The following VEGFC variants were observed in gnomAD, a reference collection of about 807,000 sequenced individuals.
The protein encoded by VEGFC is vascular endothelial growth factor C.
In VEGFC, 12 loss-of-function variants were observed where a neutral mutation model predicts 46.1. The ratio of observed to expected loss-of-function variants is 0.26; its 90% CI spans 0.17 to 0.42. The LOEUF is 0.42. Among genes scored for constraint, VEGFC ranks in the 10% least tolerant of loss-of-function variants. The pLI, the probability that VEGFC is intolerant of heterozygous loss-of-function variation, is 1.00. For synonymous variants in VEGFC, 232 were observed against 195.5 expected (o/e 1.19, Z -1.56); for missense variants, 488 against 529.4 (o/e 0.92, Z 0.77).
chr4:176,761,991 T>A (rs920151323), intron 1 of VEGFC, among the ~76,000 whole-genome samples: 1 of 152,140 alleles, frequency 6.6e-6, no homozygotes, highest in Admixed American at 6.5e-5. Context: ...TAGAATGCAT[T>A]TATTCTGTGC....
intron 1 of VEGFC, among the ~76,000 whole-genome samples, chr4:176,730,637 G>A (rs1485767): frequency 0.1 from 15,718 of 151,956 alleles, 1,828 homozygotes; most frequent in African/African-American, 0.28. Context: ...AGTCGAATAA[G>A]AGTCAATGAA....
intron 1 of VEGFC, among the ~76,000 whole-genome samples, chr4:176,734,377 T>G (rs891754533): frequency 2.0e-5 from 3 of 151,836 alleles, no homozygotes; most frequent in African/African-American, 7.2e-5. Context: ...TGAAGCATAT[T>G]TAGCAGTTAC....
intron 1 of VEGFC, among the ~76,000 whole-genome samples, chr4:176,748,926 T>G (rs1429359663): frequency 1.3e-5 from 2 of 151,882 alleles, no homozygotes; most frequent in African/African-American, 4.8e-5. Context: ...ACTGTTGGAA[T>G]AAAACCATAT....
At chr4:176,723,434 GAC>G (rs1734822042) in intron 3 of VEGFC, among the ~76,000 whole-genome samples, 1 of 150,684 alleles carries the variant, frequency 6.6e-6, no homozygotes, top group African/African-American at 2.4e-5. Context: ...GCAGGTTTGT[GAC>G]ATAGGTAAAC....
chr4:176,683,678 T>C lies in VEGFC; in HGVS notation c.*248A>G, dbSNP rs1386735714. On this transcript the variant is annotated 3_prime_UTR_variant, in exon 7 of 7. Coordinates refer to ENST00000618562, the MANE Select transcript of VEGFC (RefSeq NM_005429.5). The stretch of plus-strand genomic sequence containing the variant: ...TAGTGGAAATAAATTATATAGTCAT[T>C]CTTTTAAAGAAATCACAAGAGGAAA... The C allele has an allele frequency of 6.3e-6, 2 of 317,430 alleles. No homozygotes were observed. The highest frequency in any genetic ancestry group is 1.1e-5 in the Non-Finnish European group (2 of 175,100). 19.7% of individuals were successfully genotyped at this position (317,430 alleles called of 1,614,324 possible).
chr4:176,762,072 C>A (rs1383372532), intron 1 of VEGFC, among the ~76,000 whole-genome samples: 2 of 152,228 alleles, frequency 1.3e-5, no homozygotes, highest in Non-Finnish European at 2.9e-5. Flanking sequence ...TCTGCCTGCA[C>A]AGCGGATACT....
chr4:176,719,744 T>C (rs570089800), intron 3 of VEGFC, among the ~76,000 whole-genome samples: 2 of 152,300 alleles, frequency 1.3e-5, no homozygotes, highest in South Asian at 2.1e-4. Context: ...GTGTACCACA[T>C]GCACTTGTCT....
intron 3 of VEGFC, among the ~76,000 whole-genome samples, chr4:176,716,124 T>G (rs475920): frequency 0.088 from 13,336 of 152,244 alleles, 1,200 homozygotes; most frequent in African/African-American, 0.21. Flanking sequence ...AGTTAAATTT[T>G]TGTTAAAGAA....
chr4:176,733,070 C>A (rs191823919), intron 1 of VEGFC, among the ~76,000 whole-genome samples: 120 of 151,944 alleles, frequency 7.9e-4, no homozygotes, highest in African/African-American at 2.7e-3. Flanking sequence ...TAATAAGACA[C>A]CACTCCACAC....
At chr4:176,698,606 G>A (rs1484061230) in intron 4 of VEGFC, among the ~76,000 whole-genome samples, 1 of 151,946 alleles carries the variant, frequency 6.6e-6, no homozygotes, top group Non-Finnish European at 1.5e-5. Flanking sequence ...GAGTTGGGGG[G>A]TGCAGTGAGA....
At chr4:176,770,145 T>C (rs936124431) in intron 1 of VEGFC, among the ~76,000 whole-genome samples, 1 of 152,210 alleles carries the variant, frequency 6.6e-6, no homozygotes, top group Non-Finnish European at 1.5e-5. Flanking sequence ...CTTCCAATTG[T>C]AGTTGGATCT....
intron 4 of VEGFC, among the ~76,000 whole-genome samples, chr4:176,698,766 ATTCTACTT>A (rs1168245654): frequency 2.0e-5 from 3 of 152,090 alleles, no homozygotes; most frequent in African/African-American, 7.2e-5. Flanking sequence ...GTATCTATGA[ATTCTACTT>A]TTCTAGATTC....
intron 1 of VEGFC, among the ~76,000 whole-genome samples, chr4:176,791,421 C>G (rs542130979): frequency 6.6e-6 from 1 of 151,998 alleles, no homozygotes; most frequent in East Asian, 1.9e-4. Context: ...ATTTTGGCAA[C>G]ATTTTCAGGC....
chr4:176,723,340 T>C (rs1734820116), intron 3 of VEGFC, among the ~76,000 whole-genome samples: 1 of 152,128 alleles, frequency 6.6e-6, no homozygotes, highest in Non-Finnish European at 1.5e-5. Flanking sequence ...TACATACATA[T>C]ATAAAGTTTA....
intron 2 of VEGFC, 151 bp downstream of exon 2, chr4:176,729,382 G>A (rs1183493265): frequency 3.2e-6 from 2 of 629,126 alleles, no homozygotes; most frequent in Non-Finnish European, 5.2e-6. Flanking sequence ...ATCATAAAAT[G>A]TTGTATTTTG....
At chr4:176,716,061 TTCC>T (rs1470122800) in intron 3 of VEGFC, among the ~76,000 whole-genome samples, 2 of 152,316 alleles carry the variant, frequency 1.3e-5, no homozygotes, top group East Asian at 3.9e-4. Flanking sequence ...TGGATTTCTC[TTCC>T]TCCTCTTCTT....
At chr4:176,743,868 GT>G (rs1735218525) in intron 1 of VEGFC, among the ~76,000 whole-genome samples, 1 of 151,718 alleles carries the variant, frequency 6.6e-6, no homozygotes, top group Non-Finnish European at 1.5e-5. Context: ...AACAAATATT[GT>G]TTCTGTCCTA....
intron 1 of VEGFC, among the ~76,000 whole-genome samples, chr4:176,762,353 A>G (rs1045547848): frequency 6.6e-6 from 1 of 152,006 alleles, no homozygotes; most frequent in Non-Finnish European, 1.5e-5. Flanking sequence ...CATGGGTTCT[A>G]TCTCTTTGCT....
At position 176,738,886 on chromosome 4, in the gene VEGFC, C is replaced by T. The variant is rs574559899; in HGVS notation, c.148-9140G>A. On this transcript the variant is annotated intron_variant, in intron 1 of 6. Transcript: ENST00000618562. ...ATCCCATTAAAAAGTGGGCAAAGAA[C>T]ATGAACAGAGACTCTTTATCCAGTC... Among the ~76,000 whole-genome samples, 9 of 151,672 alleles carry T rather than the reference C, an allele frequency of 5.9e-5. No individual in the cohort carries two copies. In the South Asian group the frequency reaches 1.9e-3, roughly 32 times the overall value.
Sources: allele counts gnomAD v4.1 joint callset (sites outside exome capture counted in the v4.1 genomes callset), GRCh38; gene constraint gnomAD v4.1.1; transcripts MANE v1.5; gene names NCBI Gene and HGNC (gene_info 2026-07-23, HGNC 2026-07-21).